The following ADGRB3 variants were observed in gnomAD, a reference collection of about 807,000 sequenced individuals.
ADGRB3 encodes the protein brain-specific angiogenesis inhibitor 3.
Under a neutral mutation model 193.4 loss-of-function variants are expected in ADGRB3, and 37 were observed. The observed-to-expected ratio is 0.19, with a 90% CI of 0.15 to 0.25. The LOEUF (loss-of-function observed/expected upper bound fraction) is 0.25, where lower values mean the gene tolerates loss of function less well. ADGRB3 is among the 10% of genes least tolerant of loss of function. ADGRB3 has a pLI of 1.00. For synonymous variants in ADGRB3, 690 were observed against 644.2 expected (o/e 1.07, Z -1.08); for missense variants, 1,637 against 1,852.9 (o/e 0.88, Z 2.14).
At chr6:68,722,795 G>T (rs1342161489) in intron 3 of ADGRB3, among the ~76,000 whole-genome samples, 2 of 151,112 alleles carry the variant, frequency 1.3e-5, no homozygotes. Context: ...TTTCCTAAAG[G>T]ATATTTTAGA....
chr6:69,127,964 A>G (rs1307187804), intron 17 of ADGRB3, among the ~76,000 whole-genome samples: 1 of 151,896 alleles, frequency 6.6e-6, no homozygotes, highest in Non-Finnish European at 1.5e-5. Context: ...TCCTTCGTAC[A>G]TACCCCACAA....
intron 5 of ADGRB3, among the ~76,000 whole-genome samples, chr6:68,941,321 G>A (rs1286382513): frequency 1.3e-5 from 2 of 152,044 alleles, no homozygotes; most frequent in African/African-American, 4.8e-5. Flanking sequence ...AACATTGTTA[G>A]TGATTTGTAT....
At chr6:69,249,684 G>T (rs1299391470) in intron 20 of ADGRB3, among the ~76,000 whole-genome samples, 4 of 151,998 alleles carry the variant, frequency 2.6e-5, no homozygotes, top group Admixed American at 1.3e-4. Flanking sequence ...CTAAAATTTG[G>T]ATTGTTATTA....
At chr6:69,144,392 C>A (rs925594536) in intron 17 of ADGRB3, among the ~76,000 whole-genome samples, 2 of 152,080 alleles carry the variant, frequency 1.3e-5, no homozygotes, top group African/African-American at 4.8e-5. Flanking sequence ...AATTTAGATG[C>A]CCTTTATTTA....
At chr6:69,026,805 C>G (rs143037013) in intron 13 of ADGRB3, among the ~76,000 whole-genome samples, 1 of 152,016 alleles carries the variant, frequency 6.6e-6, no homozygotes, top group South Asian at 2.1e-4. Flanking sequence ...TGTGCCTAAA[C>G]GTAGATAAGC....
intron 3 of ADGRB3, among the ~76,000 whole-genome samples, chr6:68,788,639 G>T (rs1688766336): frequency 6.6e-6 from 1 of 152,174 alleles, no homozygotes; most frequent in Non-Finnish European, 1.5e-5. Context: ...TGTTGATTTG[G>T]GGTGGAGAGT....
At chr6:68,815,603 TTGTGTGTGTGTGTGTGTGTG>T (rs5877170) in intron 3 of ADGRB3, among the ~76,000 whole-genome samples, 1 of 137,200 alleles carries the variant, frequency 7.3e-6, no homozygotes, top group Admixed American at 7.7e-5. Flanking sequence ...CCATCAAAAA[TTGTGTGTGTGTGTGTGTGTG>T]TGTGTGTGTG....
chr6:68,848,035 A>C (rs1282577280), intron 3 of ADGRB3, among the ~76,000 whole-genome samples: 2 of 151,232 alleles, frequency 1.3e-5, no homozygotes, highest in Non-Finnish European at 3.0e-5. Context: ...ATTTCTACAA[A>C]TCTAAGATTT....
chr6:68,808,211 G>A (rs1767444025), intron 3 of ADGRB3, among the ~76,000 whole-genome samples: 1 of 152,018 alleles, frequency 6.6e-6, no homozygotes, highest in Admixed American at 6.5e-5. Flanking sequence ...AATAGATTCT[G>A]ATCTGGTATT....
chr6:68,899,891 A>G (rs188497442), intron 3 of ADGRB3, among the ~76,000 whole-genome samples: 6 of 152,268 alleles, frequency 3.9e-5, no homozygotes, highest in African/African-American at 1.2e-4. Flanking sequence ...TTTTAAATAC[A>G]TAAAGAACTC....
chr6:68,868,519 A>G (rs62416372), intron 3 of ADGRB3, among the ~76,000 whole-genome samples: 5,107 of 152,272 alleles, frequency 0.034, 130 homozygotes, highest in Non-Finnish European at 0.051. Context: ...TTTATATATA[A>G]CACTATAATT....
rs540076429 is a variant in ADGRB3, at chr6:68,868,621, A to G, written c.758-61938A>G. Among the ~76,000 whole-genome samples the G allele has an allele frequency of 2.2e-3, 335 of 152,308 alleles. 2 individuals are homozygous for G. Among genetic ancestry groups the G allele is most frequent in the African/African-American group, 7.5e-3 (313 of 41,552 alleles). On this transcript the variant is annotated intron_variant, in intron 3 of 31. Coordinates refer to ENST00000370598, the MANE Select transcript of ADGRB3 (RefSeq NM_001704.3). ...AAACATTTATTTTTCTTTGCTCCCA[A>G]AATACCTATTTTGAAGGGAGCATAA...
At position 68,992,991 on chromosome 6, in the gene ADGRB3, G is replaced by A. The variant is rs192554165; in HGVS notation, c.1735-777G>A. Among the ~76,000 whole-genome samples, 931 of 152,068 alleles carry A rather than the reference G, an allele frequency of 6.1e-3. 11 individuals are homozygous for A. The highest frequency in any genetic ancestry group is 0.026 in the Admixed American group (398 of 15,266). ...TTAGTAAACAAGTAAAAGTATAATG[G>A]ATTCCTGCTATTTCTTTACCTTCTC... On this transcript the variant is annotated intron_variant, in intron 10 of 31. Transcript: ENST00000370598.
chr6:69,112,096 AT>A (rs541586114), intron 17 of ADGRB3, among the ~76,000 whole-genome samples: 22 of 152,280 alleles, frequency 1.4e-4, no homozygotes, highest in Admixed American at 3.3e-4. Flanking sequence ...ATCAAGGAAG[AT>A]TTTTTTCTTC....
chr6:69,110,365 G>T lies in ADGRB3; in HGVS notation c.2480+34327G>T, dbSNP rs996492890. Among the ~76,000 whole-genome samples the T allele has an allele frequency of 4.6e-5, 7 of 152,128 alleles. No individual in the cohort carries two copies. The East Asian group carries it at 1.4e-3, about 29-fold the overall frequency. On this transcript the variant is annotated intron_variant, in intron 17 of 31. Transcript: ENST00000370598. ...TAAAGATAGAATAAGACTATATTTT[G>T]AACATAATATCTCTAATATTAGTGA...
intron 3 of ADGRB3, among the ~76,000 whole-genome samples, chr6:68,825,685 T>G (rs544770): frequency 2.0e-5 from 3 of 152,004 alleles, no homozygotes; most frequent in Non-Finnish European, 4.4e-5. Flanking sequence ...GTTCTCATGA[T>G]AGTGAGTGAG....
At chr6:68,722,003 T>TTA (rs1299663254) in intron 3 of ADGRB3, among the ~76,000 whole-genome samples, 2 of 151,594 alleles carry the variant, frequency 1.3e-5, no homozygotes, top group South Asian at 2.1e-4. Context: ...TTCATTCTTC[T>TTA]TATATATATA....
At chr6:69,106,977 T>C (rs1170553542) in intron 17 of ADGRB3, among the ~76,000 whole-genome samples, 6 of 152,200 alleles carry the variant, frequency 3.9e-5, no homozygotes, top group African/African-American at 1.4e-4. Flanking sequence ...TTAGTTCACT[T>C]GAATATAAAT....
intron 17 of ADGRB3, among the ~76,000 whole-genome samples, chr6:69,132,951 T>A (rs926962524): frequency 6.6e-6 from 1 of 152,194 alleles, no homozygotes; most frequent in Non-Finnish European, 1.5e-5. Flanking sequence ...TGTGGTGTTA[T>A]TTCTGAGGGC....
Sources: gnomAD v4.1 joint callset for allele counts (sites outside exome capture counted in the v4.1 genomes callset) on GRCh38, gnomAD v4.1.1 for gene constraint, MANE v1.5 for transcripts, NCBI Gene and HGNC (gene_info 2026-07-23, HGNC 2026-07-21) for gene names.